DIAPH2: variants seen among roughly 807,000 people sequenced by gnomAD.
DIAPH2 encodes the protein protein diaphanous homolog 2.
In DIAPH2, 35 loss-of-function variants were observed where a neutral mutation model predicts 92.7. That is an observed-to-expected ratio of 0.38 (90% CI 0.29 to 0.50). The LOEUF is 0.50. Ranked by LOEUF, DIAPH2 falls within the 20% of genes least tolerant of loss-of-function variation. DIAPH2 has a pLI of 0.94. For missense variants in DIAPH2, 701 were observed against 819.5 expected (o/e 0.86, Z 1.77); for synonymous variants, 301 against 280.4 (o/e 1.07, Z -0.73).
intron 7 of DIAPH2, among the ~76,000 whole-genome samples, chrX:96,915,844 T>C (rs749189381): frequency 4.5e-5 from 5 of 111,596 alleles, no homozygotes; most frequent in African/African-American, 1.6e-4. Flanking sequence ...CTCTCCTTAG[T>C]TGACTTGTGA....
chrX:97,440,334 G>A (rs2070240716), intron 26 of DIAPH2, among the ~76,000 whole-genome samples: 1 of 111,650 alleles, frequency 9.0e-6, no homozygotes, highest in African/African-American at 3.3e-5. Flanking sequence ...GCTCATGCCT[G>A]TAATCCCAGC....
chrX:97,526,532 A>G (rs1457016295), intron 26 of DIAPH2, among the ~76,000 whole-genome samples: 4 of 110,471 alleles, frequency 3.6e-5, no homozygotes. Flanking sequence ...GACATTGAAT[A>G]CTGTACTATT....
At chrX:96,854,937 G>T (rs1239770934) in intron 4 of DIAPH2, among the ~76,000 whole-genome samples, 1 of 108,883 alleles carries the variant, frequency 9.2e-6, no homozygotes, top group Non-Finnish European at 1.9e-5. Flanking sequence ...TGGTTTTTAG[G>T]TATATCTCAG....
chrX:97,103,413 T>A (rs2066918626), intron 20 of DIAPH2, among the ~76,000 whole-genome samples: 1 of 110,954 alleles, frequency 9.0e-6, no homozygotes, highest in African/African-American at 3.3e-5. Flanking sequence ...CTCCTTTTTC[T>A]CTCTGCTTCC....
chrX:96,832,350 A>T (rs748627402), intron 4 of DIAPH2, among the ~76,000 whole-genome samples: 1 of 112,032 alleles, frequency 8.9e-6, no homozygotes, highest in East Asian at 2.8e-4. Context: ...TGCTATTGCA[A>T]ATACTATTAC....
chrX:96,937,213 A>G lies in DIAPH2; in HGVS notation c.1090-20A>G, dbSNP rs1018552913. ...TGTCAAACTGTTATTCATGTGTTAA[A>G]TTTTATGTTTATATATTAGGATCTA... On this transcript the variant is annotated intron_variant, in intron 10 of 26. Transcript: ENST00000324765. The G allele has an allele frequency of 4.2e-6, 4 of 959,404 alleles. No individual in the cohort carries two copies. The highest frequency in any genetic ancestry group is 5.7e-6 in the Non-Finnish European group (4 of 696,532). 79.1% of individuals were successfully genotyped at this position (959,404 alleles called of 1,213,427 possible). A position where few individuals can be genotyped will look rare whatever the true frequency, so the allele number is the denominator to read the frequency against.
At chrX:97,367,299 T>G (rs530745581) in intron 24 of DIAPH2, among the ~76,000 whole-genome samples, 2 of 111,742 alleles carry the variant, frequency 1.8e-5, no homozygotes, top group African/African-American at 6.5e-5. Context: ...CAAATCTAGG[T>G]CATGATCAAG....
chrX:97,587,277 G>GAA (rs770610966), intron 26 of DIAPH2, among the ~76,000 whole-genome samples: 2 of 87,294 alleles, frequency 2.3e-5, no homozygotes, highest in Non-Finnish European at 2.3e-5. Flanking sequence ...TGCTGTCCTA[G>GAA]AAAAAAAAAA....
intron 17 of DIAPH2, among the ~76,000 whole-genome samples, chrX:96,970,911 T>A (rs2065923722): frequency 8.9e-6 from 1 of 111,881 alleles, no homozygotes; most frequent in South Asian, 3.7e-4. Flanking sequence ...TTTTGCTGCA[T>A]CCTCAAGATT....
chrX:96,953,174 C>CT (rs1449869188), intron 15 of DIAPH2, among the ~76,000 whole-genome samples: 1 of 111,451 alleles, frequency 9.0e-6, no homozygotes, highest in Non-Finnish European at 1.9e-5. Flanking sequence ...ATTTAATTAG[C>CT]TTTTTTTGTT....
intron 23 of DIAPH2, among the ~76,000 whole-genome samples, chrX:97,268,939 C>T (rs2147581456): frequency 9.5e-6 from 1 of 105,290 alleles, no homozygotes; most frequent in Admixed American, 1.0e-4. Flanking sequence ...TCACTGCAAC[C>T]TCCGCCTCCC....
chrX:97,118,466 C>T (rs913493175), intron 21 of DIAPH2, among the ~76,000 whole-genome samples: 2 of 111,406 alleles, frequency 1.8e-5, no homozygotes, highest in Admixed American at 1.9e-4. Flanking sequence ...GGTGCTGTTA[C>T]CAAAGATAGG....
At chrX:96,815,388 C>A (rs773663972) in intron 4 of DIAPH2, among the ~76,000 whole-genome samples, 1 of 111,664 alleles carries the variant, frequency 9.0e-6, no homozygotes, top group African/African-American at 3.3e-5. Flanking sequence ...TGGGAAAGCA[C>A]AGTATTTGGG....
intron 26 of DIAPH2, among the ~76,000 whole-genome samples, chrX:97,532,140 T>C (rs1250729216): frequency 8.9e-6 from 1 of 112,804 alleles, no homozygotes; most frequent in Non-Finnish European, 1.9e-5. Context: ...CACACTGTGA[T>C]ATTTTACGAC....
chrX:96,953,824 A>G (rs945386342), intron 15 of DIAPH2: 1 of 111,592 alleles, frequency 9.0e-6, no homozygotes, highest in Non-Finnish European at 1.9e-5. Flanking sequence ...GGATCATCAT[A>G]GAAAGTATGG....
chrX:96,708,524 G>C lies in DIAPH2; in HGVS notation c.132+23334G>C, dbSNP rs1396937126. On this transcript the variant is annotated intron_variant, in intron 1 of 26. Transcript: ENST00000324765. ...CAAAGTGCTGGGATTAGAGGCGTGA[G>C]CCACCGTGCCCGTCCCCCACCCCCT... 5.4e-5 allele frequency among the ~76,000 whole-genome samples: 6 copies of C among 110,316 alleles called. No individual in the cohort carries two copies. In the Admixed American group the frequency reaches 5.8e-4, roughly 11 times the overall value.
intron 5 of DIAPH2, among the ~76,000 whole-genome samples, chrX:96,890,660 C>A (rs138000853): frequency 0.022 from 2,492 of 111,194 alleles, 31 homozygotes; most frequent in Non-Finnish European, 0.034. Flanking sequence ...CACACACATA[C>A]GTATACATAC....
At chrX:97,499,244 T>A (rs375425193) in intron 26 of DIAPH2, among the ~76,000 whole-genome samples, 1 of 112,394 alleles carries the variant, frequency 8.9e-6, no homozygotes, top group East Asian at 2.8e-4. Context: ...ACTTGTACAT[T>A]AACTATATCT....
chrX:97,108,596 C>T lies in DIAPH2; in HGVS notation c.2350-6130C>T, dbSNP rs761772333. Among the ~76,000 whole-genome samples the T allele has an allele frequency of 2.7e-5, 3 of 111,274 alleles. No individual in the cohort carries two copies. The South Asian group carries it at 1.1e-3, about 42-fold the overall frequency. Reference sequence around the variant, plus strand: ...TTCTATCAGTGTACACTGGTCTGATCGTAAAAATTCACACTTATGGTTGCA... The same window carrying T: ...TTCTATCAGTGTACACTGGTCTGATTGTAAAAATTCACACTTATGGTTGCA... On this transcript the variant is annotated intron_variant, in intron 20 of 26. Coordinates refer to ENST00000324765, the MANE Select transcript of DIAPH2 (RefSeq NM_006729.5).
Sources: gnomAD v4.1 joint callset for allele counts (sites outside exome capture counted in the v4.1 genomes callset) on GRCh38, gnomAD v4.1.1 for gene constraint, MANE v1.5 for transcripts, NCBI Gene and HGNC (gene_info 2026-07-23, HGNC 2026-07-21) for gene names.